Variants in SERGEF observed in about 807,000 individuals in gnomAD.
SERGEF encodes secretion regulating guanine nucleotide exchange factor, also known as secretion-regulating guanine nucleotide exchange factor.
SERGEF carries 51 observed loss-of-function variants against 50.0 expected under a neutral mutation model. The ratio of observed to expected loss-of-function variants is 1.02; its 90% CI spans 0.81 to 1.29. The LOEUF is 1.29. Among genes scored for constraint, SERGEF ranks in the 50% most tolerant of loss-of-function variants. SERGEF has a pLI of 0.00. For missense variants in SERGEF, 521 were observed against 557.0 expected, an observed-to-expected ratio of 0.94 and a Z score of 0.65; for synonymous variants, 205 against 212.4, an observed-to-expected ratio of 0.97 and a Z score of 0.30.
intron 10 of SERGEF, among the ~76,000 whole-genome samples, chr11:17,806,920 CT>C (rs1281180626): frequency 6.6e-6 from 1 of 152,140 alleles, no homozygotes; most frequent in East Asian, 1.9e-4. Flanking sequence ...CACCCCACCC[CT>C]GAGCCAGGAC....
intron 9 of SERGEF, among the ~76,000 whole-genome samples, chr11:17,947,872 C>T (rs1454833184): frequency 2.0e-5 from 3 of 151,910 alleles, no homozygotes; most frequent in Non-Finnish European, 4.4e-5. Flanking sequence ...TAATACATGG[C>T]ATGTAGTCAA....
chr11:17,894,732 A>G (rs1851590076), intron 9 of SERGEF, among the ~76,000 whole-genome samples: 1 of 152,186 alleles, frequency 6.6e-6, no homozygotes, highest in Non-Finnish European at 1.5e-5. Flanking sequence ...GAAATGCTAA[A>G]TGAATGACAC....
intron 9 of SERGEF, among the ~76,000 whole-genome samples, chr11:17,954,106 A>G (rs1852818456): frequency 6.6e-6 from 1 of 152,180 alleles, no homozygotes; most frequent in Non-Finnish European, 1.5e-5. Flanking sequence ...ATGGTCTCAG[A>G]GACCTCATGC....
At chr11:17,907,383 A>G (rs1001999137) in intron 9 of SERGEF, among the ~76,000 whole-genome samples, 1 of 152,154 alleles carries the variant, frequency 6.6e-6, no homozygotes, top group Non-Finnish European at 1.5e-5. Flanking sequence ...CTATTCCATA[A>G]AAGATTAAAT....
chr11:17,905,452 C>T (rs1229584916), intron 9 of SERGEF, among the ~76,000 whole-genome samples: 1 of 152,220 alleles, frequency 6.6e-6, no homozygotes, highest in African/African-American at 2.4e-5. Flanking sequence ...ACCAAGCATT[C>T]TTGGGGAGGC....
At chr11:18,012,482 C>G (rs1042251213) in intron 1 of SERGEF, 301 of 1,081,812 alleles carry the variant, frequency 2.8e-4, no homozygotes, top group Non-Finnish European at 3.3e-4. Flanking sequence ...TTGTGCGCGG[C>G]CAAACACCGC....
In SERGEF at chr11:17,962,795, G is replaced by A. The variant is rs536344542; in HGVS notation, c.845-3159C>T. Among the ~76,000 whole-genome samples the A allele has an allele frequency of 8.5e-5, 13 of 152,290 alleles. No homozygotes were observed. The East Asian group carries it at 2.5e-3, about 29-fold the overall frequency. ...TCCTGGCAGGCTTGAGGGAACAAGA[G>A]GCATTTAAGGTGAACTTCTGGATAA... On this transcript the variant is annotated intron_variant, in intron 8 of 10. Transcript: ENST00000265965.
intron 10 of SERGEF, among the ~76,000 whole-genome samples, chr11:17,792,900 A>C (rs1482436149): frequency 6.6e-6 from 1 of 152,184 alleles, no homozygotes. Flanking sequence ...TCTTTTTGAT[A>C]ACCCTTTAAA....
chr11:17,905,597 A>G (rs1851824888), intron 9 of SERGEF, among the ~76,000 whole-genome samples: 1 of 152,188 alleles, frequency 6.6e-6, no homozygotes, highest in Non-Finnish European at 1.5e-5. Flanking sequence ...TCTAATGGGT[A>G]ATTTATAAGT....
In SERGEF at chr11:17,959,766, T is replaced by G; in HGVS notation, c.845-130A>C. The stretch of plus-strand genomic sequence containing the variant: ...TACCAGGAGCCTTCCTATCTTCCTG[T>G]AAAGAAGGCACATGCACTCATATTT... On this transcript the variant is annotated intron_variant, in intron 8 of 10. Coordinates refer to ENST00000265965, the MANE Select transcript of SERGEF (RefSeq NM_012139.4). The G allele has an allele frequency of 8.0e-6, 6 of 752,886 alleles. 1 individual carries two copies. Among genetic ancestry groups the G allele is most frequent in the Non-Finnish European group, 1.3e-5 (6 of 476,086 alleles). The allele number at this position is 752,886 out of a possible 1,614,324, so 46.6% of individuals were successfully genotyped here.
chr11:17,890,539 A>G (rs192093655), intron 9 of SERGEF, among the ~76,000 whole-genome samples: 1 of 152,112 alleles, frequency 6.6e-6, no homozygotes, highest in African/African-American at 2.4e-5. Context: ...GGAGGCTGTG[A>G]GCAGCAATCT....
chr11:17,818,908 G>C (rs1850025813), intron 10 of SERGEF, among the ~76,000 whole-genome samples: 1 of 152,050 alleles, frequency 6.6e-6, no homozygotes, highest in African/African-American at 2.4e-5. Context: ...CCCTATACTT[G>C]CAAGGCCCTC....
At chr11:17,913,389 C>G (rs746660993) in intron 9 of SERGEF, among the ~76,000 whole-genome samples, 1 of 152,238 alleles carries the variant, frequency 6.6e-6, no homozygotes, top group African/African-American at 2.4e-5. Flanking sequence ...GACCCCAGCC[C>G]TAGCTCAAAG....
chr11:18,009,320 G>C (rs1458355213), intron 1 of SERGEF, among the ~76,000 whole-genome samples: 1 of 152,188 alleles, frequency 6.6e-6, no homozygotes, highest in Non-Finnish European at 1.5e-5. Context: ...AACTCAGCCA[G>C]TAATATTCCT....
intron 10 of SERGEF, among the ~76,000 whole-genome samples, chr11:17,872,954 G>T (rs1200869921): frequency 1.3e-5 from 2 of 152,076 alleles, no homozygotes; most frequent in African/African-American, 4.8e-5. Flanking sequence ...ACTTACATAT[G>T]TAAAAGGACA....
chr11:17,964,025 A>C (rs1051963597), intron 8 of SERGEF, among the ~76,000 whole-genome samples: 17 of 152,198 alleles, frequency 1.1e-4, no homozygotes, highest in African/African-American at 3.9e-4. Context: ...GCACCCCATT[A>C]GATGTGATTT....
intron 10 of SERGEF, among the ~76,000 whole-genome samples, chr11:17,808,144 T>G (rs1436389807): frequency 6.6e-6 from 1 of 152,178 alleles, no homozygotes; most frequent in Non-Finnish European, 1.5e-5. Flanking sequence ...GGCCTGAACT[T>G]CTTATCTGTC....
intron 10 of SERGEF, among the ~76,000 whole-genome samples, chr11:17,823,859 A>G (rs141996112): frequency 1.3e-3 from 204 of 152,298 alleles, no homozygotes; most frequent in African/African-American, 4.5e-3. Flanking sequence ...CTTTCCTGGT[A>G]ACAGACTTCA....
At chr11:17,911,933 G>C (rs985822849) in intron 9 of SERGEF, among the ~76,000 whole-genome samples, 2 of 152,120 alleles carry the variant, frequency 1.3e-5, no homozygotes, top group African/African-American at 4.8e-5. Flanking sequence ...TAGTAGTTTG[G>C]AGTTTAAAAA....
Sources: allele counts gnomAD v4.1 joint callset (sites outside exome capture counted in the v4.1 genomes callset), GRCh38; gene constraint gnomAD v4.1.1; transcripts MANE v1.5; gene names NCBI Gene and HGNC (gene_info 2026-07-23, HGNC 2026-07-21).